Variants in ANKS1B observed in about 807,000 individuals in gnomAD.
ANKS1B encodes ankyrin repeat and sterile alpha motif domain-containing protein 1B.
A neutral mutation model predicts 148.3 loss-of-function variants in ANKS1B; 36 were observed. The ratio of observed to expected loss-of-function variants is 0.24; its 90% CI spans 0.19 to 0.32. The LOEUF is 0.32. Ranked by LOEUF, ANKS1B falls within the 10% of genes least tolerant of loss-of-function variation. The probability of loss-of-function intolerance (pLI) is 1.00; values close to 1 mark genes in which losing one functional copy is unlikely to be tolerated. For synonymous variants in ANKS1B, 542 were observed against 560.8 expected, an observed-to-expected ratio of 0.97 and a Z score of 0.47; for missense variants, 1,157 against 1,542.6, an observed-to-expected ratio of 0.75 and a Z score of 4.19.
intron 12 of ANKS1B, among the ~76,000 whole-genome samples, chr12:99,319,831 G>A (rs892872793): frequency 7.9e-5 from 12 of 152,142 alleles, no homozygotes; most frequent in African/African-American, 1.2e-4. Context: ...GGCTGGTACC[G>A]GTTGTTCCTT....
At chr12:99,378,923 T>G (rs755209348) in intron 12 of ANKS1B, among the ~76,000 whole-genome samples, 2 of 152,128 alleles carry the variant, frequency 1.3e-5, no homozygotes, top group Non-Finnish European at 2.9e-5. Flanking sequence ...GACTTCAGAA[T>G]TTCTATTGGC....
At chr12:99,536,330 G>C (rs2097065966) in intron 9 of ANKS1B, among the ~76,000 whole-genome samples, 2 of 152,252 alleles carry the variant, frequency 1.3e-5, no homozygotes, top group East Asian at 3.9e-4. Flanking sequence ...ATGGGGGCAA[G>C]GGAGATATGG....
At chr12:99,154,552 G>A (rs2075746913) in intron 14 of ANKS1B, 157 bp from the exon 15 acceptor site, 11 of 1,562,038 alleles carry the variant, frequency 7.0e-6, no homozygotes, top group East Asian at 2.3e-5. Flanking sequence ...TGTTCTCAGC[G>A]AGAGAGCAAA....
intron 17 of ANKS1B, among the ~76,000 whole-genome samples, chr12:98,953,111 C>T (rs2099856571): frequency 1.3e-5 from 2 of 152,008 alleles, no homozygotes; most frequent in Admixed American, 1.3e-4. Flanking sequence ...ACCTCTGCCT[C>T]CTGAGTTCAA....
rs562651323 is a variant in ANKS1B at position 99,685,756 on chromosome 12, A to ATG, written c.1129-30547_1129-30546insCA. On this transcript the variant is annotated intron_variant, in intron 8 of 26. Coordinates refer to ENST00000683438, the MANE Select transcript of ANKS1B (RefSeq NM_001352186.2). ...TGTGTGTGTGTGTATACATATATAT[A>ATG]TATACACACACACACATATATACAC... is the stretch of plus-strand genomic sequence containing the variant. 5.5e-4 allele frequency among the ~76,000 whole-genome samples: 83 copies of ATG among 151,944 alleles called. 2 individuals carry two copies. In the South Asian group the frequency reaches 0.017, roughly 31 times the overall value.
At chr12:98,961,298 G>A (rs866687188) in intron 17 of ANKS1B, among the ~76,000 whole-genome samples, 77 of 152,100 alleles carry the variant, frequency 5.1e-4, no homozygotes, top group African/African-American at 1.7e-3. Flanking sequence ...ACTTTTCAGC[G>A]GAAACCTTAC....
At chr12:99,491,404 A>C (rs563291890) in intron 10 of ANKS1B, among the ~76,000 whole-genome samples, 1 of 152,138 alleles carries the variant, frequency 6.6e-6, no homozygotes, top group South Asian at 2.1e-4. Flanking sequence ...TTTTTATTTT[A>C]GTTTCAAGGC....
chr12:99,066,962 G>C (rs2044566807), intron 16 of ANKS1B, among the ~76,000 whole-genome samples: 1 of 152,138 alleles, frequency 6.6e-6, no homozygotes, highest in African/African-American at 2.4e-5. Flanking sequence ...GCTCAGTGAG[G>C]ATTCCAGGGG....
chr12:99,174,439 C>T (rs1432572301), intron 14 of ANKS1B, among the ~76,000 whole-genome samples: 1 of 152,174 alleles, frequency 6.6e-6, no homozygotes, highest in Non-Finnish European at 1.5e-5. Context: ...ATTTGTTATA[C>T]AACAATAGAC....
chr12:98,953,450 G>A (rs1293181756), intron 17 of ANKS1B, among the ~76,000 whole-genome samples: 1 of 151,028 alleles, frequency 6.6e-6, no homozygotes, highest in Non-Finnish European at 1.5e-5. Context: ...ACTATGCCTG[G>A]CCTGTTATTT....
At chr12:99,652,069 A>ATG (rs1261398164) in intron 9 of ANKS1B, among the ~76,000 whole-genome samples, 11 of 120,882 alleles carry the variant, frequency 9.1e-5, no homozygotes, top group Admixed American at 2.7e-4. Flanking sequence ...ACATGTTTAC[A>ATG]TGTGTATATA....
chr12:99,702,569 G>A lies in ANKS1B; in HGVS notation c.1129-47359C>T, dbSNP rs572886788. On this transcript the variant is annotated intron_variant, in intron 8 of 26. Transcript: ENST00000683438. ...TTGCCTTTTTTTTATTTGAGACAGC[G>A]TCTTGCTCTATCGCTCAGGCTGGAG... Among the ~76,000 whole-genome samples, 53 of 152,014 alleles carry A rather than the reference G, an allele frequency of 3.5e-4. 1 individual carries two copies. The highest frequency in any genetic ancestry group is 1.2e-3 in the African/African-American group (51 of 41,476).
At chr12:99,805,227 T>C (rs973744449) in intron 4 of ANKS1B, among the ~76,000 whole-genome samples, 5 of 89,688 alleles carry the variant, frequency 5.6e-5, no homozygotes, top group Middle Eastern at 9.8e-3. Context: ...GCCATTAACT[T>C]GGAAGCCAAG....
At chr12:99,550,953 T>C (rs529714641) in intron 9 of ANKS1B, among the ~76,000 whole-genome samples, 9 of 152,318 alleles carry the variant, frequency 5.9e-5, no homozygotes, top group African/African-American at 2.2e-4. Flanking sequence ...TTAAGTGTTA[T>C]GCTCTAATTT....
At chr12:99,908,219 T>C (rs2093862850) in intron 1 of ANKS1B, among the ~76,000 whole-genome samples, 1 of 152,154 alleles carries the variant, frequency 6.6e-6, no homozygotes, top group East Asian at 1.9e-4. Flanking sequence ...CTATTTTTGT[T>C]TATTCAATAT....
chr12:99,921,503 T>C (rs1046521055), intron 1 of ANKS1B, among the ~76,000 whole-genome samples: 1 of 152,146 alleles, frequency 6.6e-6, no homozygotes, highest in Non-Finnish European at 1.5e-5. Flanking sequence ...ACTCTGGGTA[T>C]CTTCTTCAAG....
At position 99,101,165 on chromosome 12, in the gene ANKS1B, TG is replaced by T. The variant is rs145676325; in HGVS notation, c.2527-16143del. On this transcript the variant is annotated intron_variant, in intron 15 of 26. Coordinates refer to ENST00000683438, the MANE Select transcript of ANKS1B (RefSeq NM_001352186.2). ...CAGCCTTGTAAGCGATGATGTGAAG[TG>T]GGCTTCATCCTGTGGTTCTGGGCAG... 3.3e-3 allele frequency among the ~76,000 whole-genome samples: 507 copies of T among 152,248 alleles called. 5 individuals carry two copies. The highest frequency in any genetic ancestry group is 0.012 in the African/African-American group (497 of 41,546).
At chr12:99,881,251 G>T (rs911392219) in intron 1 of ANKS1B, among the ~76,000 whole-genome samples, 1 of 152,150 alleles carries the variant, frequency 6.6e-6, no homozygotes, top group Non-Finnish European at 1.5e-5. Context: ...GGAAATTCCA[G>T]GTTTTTCTCT....
intron 12 of ANKS1B, among the ~76,000 whole-genome samples, chr12:99,329,088 G>T (rs1383264927): frequency 6.6e-6 from 1 of 151,946 alleles, no homozygotes; most frequent in Non-Finnish European, 1.5e-5. Context: ...GAGCCTCAGT[G>T]AACTATGGAG....
Sources: allele counts gnomAD v4.1 joint callset (sites outside exome capture counted in the v4.1 genomes callset), GRCh38; gene constraint gnomAD v4.1.1; transcripts MANE v1.5; gene names NCBI Gene and HGNC (gene_info 2026-07-23, HGNC 2026-07-21).